Variants in FOXP1 observed in about 807,000 individuals in gnomAD.
FOXP1 encodes the protein forkhead box P1, also known as forkhead box protein P1.
FOXP1 carries 15 observed loss-of-function variants against 98.2 expected under a neutral mutation model. That is an observed-to-expected ratio of 0.15 (90% CI 0.10 to 0.24). The LOEUF is 0.24. Among genes scored for constraint, FOXP1 ranks in the 10% least tolerant of loss-of-function variants. The pLI, the probability that FOXP1 is intolerant of heterozygous loss-of-function variation, is 1.00. For missense variants in FOXP1, 633 were observed against 848.5 expected, an observed-to-expected ratio of 0.75 and a Z score of 3.15; for synonymous variants, 371 against 314.5, an observed-to-expected ratio of 1.18 and a Z score of -1.90.
intron 3 of FOXP1, among the ~76,000 whole-genome samples, chr3:71,377,553 C>T (rs1248074528): frequency 6.6e-6 from 1 of 152,040 alleles, no homozygotes; most frequent in Non-Finnish European, 1.5e-5. Context: ...CTAAATAACC[C>T]CCCCAAGGTC....
intron 3 of FOXP1, among the ~76,000 whole-genome samples, chr3:71,432,053 A>G (rs917633909): frequency 9.2e-5 from 14 of 152,152 alleles, no homozygotes; most frequent in African/African-American, 3.1e-4. Flanking sequence ...TTGAAAACCT[A>G]TTTATGGCAA....
intron 3 of FOXP1, among the ~76,000 whole-genome samples, chr3:71,461,896 G>C (rs1470922264): frequency 6.6e-6 from 1 of 151,962 alleles, no homozygotes; most frequent in African/African-American, 2.4e-5. Context: ...AGAGAAGATT[G>C]GCAGGGCTTG....
At chr3:71,583,331 C>A (rs2048339382) in intron 1 of FOXP1, among the ~76,000 whole-genome samples, 1 of 152,084 alleles carries the variant, frequency 6.6e-6, no homozygotes. Context: ...CCGCAGCCCC[C>A]ACCCATCCCA....
At chr3:71,216,653 C>A (rs1464802208) in intron 5 of FOXP1, among the ~76,000 whole-genome samples, 1 of 152,080 alleles carries the variant, frequency 6.6e-6, no homozygotes, top group Non-Finnish European at 1.5e-5. Flanking sequence ...GGGTGGTTTC[C>A]ATTTTTATTG....
chr3:71,032,968 GC>G (rs2047071568), intron 11 of FOXP1, among the ~76,000 whole-genome samples: 1 of 152,142 alleles, frequency 6.6e-6, no homozygotes. Flanking sequence ...GTGAAGGTGT[GC>G]AATTCAACAA....
intron 4 of FOXP1, among the ~76,000 whole-genome samples, chr3:71,353,689 G>A (rs897153553): frequency 1.3e-5 from 2 of 152,160 alleles, no homozygotes; most frequent in African/African-American, 4.8e-5. Flanking sequence ...CATAAGTCGT[G>A]TAAATAAGAG....
At chr3:70,968,891 GAA>G (rs2107109604) in intron 19 of FOXP1, 1 of 152,304 alleles carries the variant, frequency 6.6e-6, no homozygotes, top group East Asian at 1.9e-4. Flanking sequence ...CAAACTCGTA[GAA>G]GAGAGGGAAA....
rs118149059 is a variant in FOXP1 at position 70,964,887 on chromosome 3, T to C, written c.1889+1003A>G. On this transcript the variant is annotated intron_variant, in intron 20 of 20. Coordinates refer to ENST00000649528, the MANE Select transcript of FOXP1 (RefSeq NM_001349338.3). The stretch of plus-strand genomic sequence containing the variant: ...CAGATAACACTTTTTTCTTTGTCAT[T>C]AGATGCCAATTCCATATGCTCCTAA... Among the ~76,000 whole-genome samples, 48 of 152,348 alleles carry C rather than the reference T, an allele frequency of 3.2e-4. 1 individual carries two copies. The East Asian group carries it at 9.3e-3, about 29-fold the overall frequency.
intron 12 of FOXP1, among the ~76,000 whole-genome samples, chr3:71,007,056 A>G (rs1292387815): frequency 6.6e-6 from 1 of 152,162 alleles, no homozygotes; most frequent in Non-Finnish European, 1.5e-5. Flanking sequence ...GAGTACTAAG[A>G]AAGGTCTTGA....
chr3:71,195,587 T>TAAC (rs1214590643), intron 6 of FOXP1, among the ~76,000 whole-genome samples: 1 of 152,252 alleles, frequency 6.6e-6, no homozygotes, highest in African/African-American at 2.4e-5. Flanking sequence ...ATCAAAGCTG[T>TAAC]AACCCCTGTT....
At chr3:71,449,865 A>G (rs1258240674) in intron 3 of FOXP1, among the ~76,000 whole-genome samples, 4 of 152,240 alleles carry the variant, frequency 2.6e-5, no homozygotes, top group Non-Finnish European at 4.4e-5. Context: ...AACCATAACA[A>G]AGTATAACTA....
At chr3:71,414,674 A>T (rs1258460170) in intron 3 of FOXP1, among the ~76,000 whole-genome samples, 5 of 152,246 alleles carry the variant, frequency 3.3e-5, no homozygotes, top group African/African-American at 1.2e-4. Flanking sequence ...GGGAGAGGGC[A>T]CGAGGAGGAC....
intron 9 of FOXP1, among the ~76,000 whole-genome samples, chr3:71,047,973 C>T (rs1436665589): frequency 6.6e-6 from 1 of 152,102 alleles, no homozygotes; most frequent in Admixed American, 6.5e-5. Context: ...TAGATTTCCT[C>T]AGTAATTATC....
At position 71,397,834 on chromosome 3, in the gene FOXP1, C is replaced by T. The variant is rs562452690; in HGVS notation, c.-167-38590G>A. The stretch of plus-strand genomic sequence containing the variant: ...AAAGTTCCTATGTCTAGTATAATTC[C>T]AGGTCCCAAGCTGTACAGACAGACC... On this transcript the variant is annotated intron_variant, in intron 3 of 20. Coordinates refer to ENST00000649528, the MANE Select transcript of FOXP1 (RefSeq NM_001349338.3). 3.2e-4 allele frequency among the ~76,000 whole-genome samples: 49 copies of T among 152,308 alleles called. 1 individual carries two copies. In the South Asian group the frequency reaches 7.9e-3, roughly 24 times the overall value.
intron 3 of FOXP1, among the ~76,000 whole-genome samples, chr3:71,377,970 A>T (rs920501025): frequency 4.6e-5 from 7 of 152,072 alleles, no homozygotes; most frequent in Non-Finnish European, 8.8e-5. Flanking sequence ...AGACATCTAA[A>T]CTTATGAGAT....
intron 7 of FOXP1, among the ~76,000 whole-genome samples, chr3:71,073,795 A>G (rs73119666): frequency 0.066 from 10,036 of 152,238 alleles, 435 homozygotes; most frequent in East Asian, 0.11. Context: ...TGGGGGACTC[A>G]TCTGAGGTCC....
chr3:71,435,062 T>G (rs1217039156), intron 3 of FOXP1, among the ~76,000 whole-genome samples: 1 of 150,454 alleles, frequency 6.6e-6, no homozygotes, highest in Non-Finnish European at 1.5e-5. Context: ...AACACATGAG[T>G]TTTCAGCTAT....
At chr3:71,009,385 T>C (rs2107682406) in intron 12 of FOXP1, among the ~76,000 whole-genome samples, 1 of 152,224 alleles carries the variant, frequency 6.6e-6, no homozygotes, top group East Asian at 1.9e-4. Flanking sequence ...CGGCTGCTTT[T>C]GTACCCCAAT....
intron 3 of FOXP1, among the ~76,000 whole-genome samples, chr3:71,418,703 A>G (rs1470520594): frequency 2.0e-5 from 3 of 152,208 alleles, no homozygotes; most frequent in African/African-American, 7.2e-5. Flanking sequence ...TAGGATATAA[A>G]TCTAAACCAA....
Sources: gnomAD v4.1 joint callset for allele counts (sites outside exome capture counted in the v4.1 genomes callset) on GRCh38, gnomAD v4.1.1 for gene constraint, MANE v1.5 for transcripts, NCBI Gene and HGNC (gene_info 2026-07-23, HGNC 2026-07-21) for gene names.